ATRNL1: variants seen among roughly 807,000 people sequenced by gnomAD.
ATRNL1 encodes the protein attractin-like protein 1.
Under a neutral mutation model 182.7 loss-of-function variants are expected in ATRNL1, and 95 were observed. The observed-to-expected ratio is 0.52, with a 90% CI of 0.44 to 0.62. The LOEUF is 0.62. Ranked by LOEUF, ATRNL1 falls within the 20% of genes least tolerant of loss-of-function variation. The pLI is 0.00. For missense variants in ATRNL1, 1,471 were observed against 1,679.5 expected (o/e 0.88, Z 2.17); for synonymous variants, 576 against 568.3 (o/e 1.01, Z -0.19).
chr10:115,313,012 A>G (rs1295652201), intron 17 of ATRNL1, among the ~76,000 whole-genome samples: 1 of 151,918 alleles, frequency 6.6e-6, no homozygotes, highest in African/African-American at 2.4e-5. Flanking sequence ...TTATTTTGTT[A>G]AAATTTTTAT....
At chr10:115,550,270 CTATTG>C (rs1336806824) in intron 26 of ATRNL1, among the ~76,000 whole-genome samples, 2 of 151,734 alleles carry the variant, frequency 1.3e-5, no homozygotes, top group Middle Eastern at 3.4e-3. Context: ...ATAATGTATT[CTATTG>C]TATTAATCTT....
intron 26 of ATRNL1, among the ~76,000 whole-genome samples, chr10:115,699,573 A>G (rs1555050867): frequency 6.6e-6 from 1 of 152,204 alleles, no homozygotes; most frequent in African/African-American, 2.4e-5. Context: ...ACACAGAAAC[A>G]TAAATGGATG....
intron 18 of ATRNL1, among the ~76,000 whole-genome samples, chr10:115,324,476 A>G (rs1252709651): frequency 6.6e-6 from 1 of 152,122 alleles, no homozygotes; most frequent in Non-Finnish European, 1.5e-5. Flanking sequence ...TACAAGGGCC[A>G]TTTACATCTG....
At chr10:115,256,428 G>C (rs1851139228) in intron 10 of ATRNL1, among the ~76,000 whole-genome samples, 1 of 152,100 alleles carries the variant, frequency 6.6e-6, no homozygotes, top group Non-Finnish European at 1.5e-5. Flanking sequence ...TTTGCATAGA[G>C]GTGTTTATAG....
intron 21 of ATRNL1, among the ~76,000 whole-genome samples, chr10:115,453,920 A>G (rs1847399596): frequency 6.6e-6 from 1 of 151,982 alleles, no homozygotes; most frequent in African/African-American, 2.4e-5. Context: ...CACATTGTGC[A>G]CATGTACCCT....
At chr10:115,306,094 A>G (rs1853714243) in intron 17 of ATRNL1, among the ~76,000 whole-genome samples, 1 of 152,160 alleles carries the variant, frequency 6.6e-6, no homozygotes, top group Non-Finnish European at 1.5e-5. Context: ...AATTTTTCTT[A>G]TATCCCATTC....
At chr10:115,529,843 A>G (rs1851459132) in intron 25 of ATRNL1, among the ~76,000 whole-genome samples, 1 of 152,102 alleles carries the variant, frequency 6.6e-6, no homozygotes, top group Admixed American at 6.5e-5. Flanking sequence ...TTTAGAACAT[A>G]TCATCATCCC....
At chr10:115,139,796 C>A (rs1374014525) in intron 5 of ATRNL1, among the ~76,000 whole-genome samples, 1 of 152,182 alleles carries the variant, frequency 6.6e-6, no homozygotes. Context: ...TAGCACTGGC[C>A]CATTCATCTC....
chr10:115,845,622 A>C (rs1247882524), intron 27 of ATRNL1, among the ~76,000 whole-genome samples: 6 of 152,046 alleles, frequency 3.9e-5, no homozygotes, highest in African/African-American at 1.4e-4. Flanking sequence ...GTTTTTCTCA[A>C]TCTCCTAAAC....
intron 11 of ATRNL1, among the ~76,000 whole-genome samples, 171 bp from the exon 12 acceptor site, chr10:115,266,626 G>GTT (rs1851619752): frequency 6.6e-6 from 1 of 151,568 alleles, no homozygotes; most frequent in African/African-American, 2.4e-5. Flanking sequence ...TTCCTCTGGT[G>GTT]TTTTTATATC....
chr10:115,249,710 G>A (rs1554904980), intron 10 of ATRNL1, among the ~76,000 whole-genome samples: 1 of 151,084 alleles, frequency 6.6e-6, no homozygotes, highest in African/African-American at 2.4e-5. Context: ...TATTATCTTG[G>A]TCTTCATTCT....
In ATRNL1 at chr10:115,753,126, T is replaced by A. The variant is rs538491344; in HGVS notation, c.3903+25771T>A. 2.0e-5 allele frequency among the ~76,000 whole-genome samples: 3 copies of A among 152,138 alleles called. No homozygotes were observed. In the South Asian group the frequency reaches 6.2e-4, roughly 32 times the overall value. On this transcript the variant is annotated intron_variant, in intron 27 of 28. Coordinates refer to ENST00000355044, the MANE Select transcript of ATRNL1 (RefSeq NM_207303.4). Reference sequence around the variant, plus strand: ...GAAATGGGATGCACATATGGAAGATTTGATGTTATTAATCACATATTTTTG... The same window carrying A: ...GAAATGGGATGCACATATGGAAGATATGATGTTATTAATCACATATTTTTG...
At chr10:115,132,664 C>T (rs1261618726) in intron 5 of ATRNL1, among the ~76,000 whole-genome samples, 9 of 152,202 alleles carry the variant, frequency 5.9e-5, no homozygotes, top group African/African-American at 2.2e-4. Context: ...TTTTGATTTG[C>T]ATTTCTCTGA....
chr10:115,713,477 G>GTGTTTGTGTT (rs1565310484), intron 26 of ATRNL1, among the ~76,000 whole-genome samples: 1 of 149,912 alleles, frequency 6.7e-6, no homozygotes, highest in Admixed American at 6.8e-5. Context: ...TTGTGTGTGT[G>GTGTTTGTGTT]TCTGTGTGAA....
chr10:115,190,614 T>C (rs1025078760), intron 8 of ATRNL1, among the ~76,000 whole-genome samples: 1 of 152,170 alleles, frequency 6.6e-6, no homozygotes, highest in African/African-American at 2.4e-5. Flanking sequence ...GTTTATGAGA[T>C]ACATGTGATG....
At chr10:115,485,873 C>T (rs1230466349) in intron 24 of ATRNL1, among the ~76,000 whole-genome samples, 1 of 151,926 alleles carries the variant, frequency 6.6e-6, no homozygotes, top group Non-Finnish European at 1.5e-5. Flanking sequence ...AGGTATTTCT[C>T]GTAACGCTAT....
intron 27 of ATRNL1, among the ~76,000 whole-genome samples, chr10:115,826,953 A>G (rs1950448267): frequency 6.6e-6 from 1 of 152,286 alleles, no homozygotes; most frequent in Non-Finnish European, 1.5e-5. Flanking sequence ...TTGTAGGTCA[A>G]GTTTCACCAG....
At chr10:115,148,744 GTTTTT>G (rs71010009) in intron 5 of ATRNL1, among the ~76,000 whole-genome samples, 1 of 116,754 alleles carries the variant, frequency 8.6e-6, no homozygotes, top group Non-Finnish European at 1.7e-5. Flanking sequence ...GGCCAGATGC[GTTTTT>G]TTTTTTTTTT....
chr10:115,339,629 A>G (rs1855645549), intron 19 of ATRNL1, among the ~76,000 whole-genome samples: 1 of 152,148 alleles, frequency 6.6e-6, no homozygotes, highest in African/African-American at 2.4e-5. Flanking sequence ...TCCAAATATA[A>G]GATCATATTA....
Sources: allele counts gnomAD v4.1 joint callset (sites outside exome capture counted in the v4.1 genomes callset), GRCh38; gene constraint gnomAD v4.1.1; transcripts MANE v1.5; gene names NCBI Gene and HGNC (gene_info 2026-07-23, HGNC 2026-07-21).